KCNH5: variants seen among roughly 807,000 people sequenced by gnomAD.
KCNH5 encodes the protein potassium voltage-gated channel subfamily H member 5, also known as voltage-gated delayed rectifier potassium channel KCNH5.
Under a neutral mutation model 96.1 loss-of-function variants are expected in KCNH5, and 46 were observed. The ratio of observed to expected loss-of-function variants is 0.48; its 90% confidence interval spans 0.38 to 0.61. KCNH5 has a LOEUF of 0.61. Among genes scored for constraint, KCNH5 ranks in the 20% least tolerant of loss-of-function variants. The pLI, the probability that KCNH5 is intolerant of heterozygous loss-of-function variation, is 0.00. For synonymous variants in KCNH5, 439 were observed against 449.8 expected (o/e 0.98, Z 0.30); for missense variants, 907 against 1,225.8 (o/e 0.74, Z 3.88).
intron 7 of KCNH5, among the ~76,000 whole-genome samples, chr14:62,860,701 C>T (rs1888016398): frequency 6.6e-6 from 1 of 152,180 alleles, no homozygotes; most frequent in Non-Finnish European, 1.5e-5. Context: ...ACTCTAAGCC[C>T]CCTTCTCACA....
intron 7 of KCNH5, among the ~76,000 whole-genome samples, chr14:62,853,260 A>C (rs1175644535): frequency 1.3e-5 from 2 of 151,918 alleles, no homozygotes; most frequent in Non-Finnish European, 2.9e-5. Context: ...TCTTTGGACC[A>C]ATTACTAAAC....
At chr14:62,755,367 T>C (rs1004884502) in intron 10 of KCNH5, among the ~76,000 whole-genome samples, 5 of 152,082 alleles carry the variant, frequency 3.3e-5, no homozygotes, top group African/African-American at 1.2e-4. Flanking sequence ...ACATACGACC[T>C]GCAAATACAT....
intron 4 of KCNH5, among the ~76,000 whole-genome samples, chr14:62,991,460 A>G (rs1228868366): frequency 1.3e-5 from 2 of 152,144 alleles, no homozygotes; most frequent in Non-Finnish European, 1.5e-5. Flanking sequence ...GGACCAGAAG[A>G]GAGAAATTTA....
chr14:62,890,866 A>G (rs1566697169), intron 7 of KCNH5, among the ~76,000 whole-genome samples: 2 of 148,854 alleles, frequency 1.3e-5, no homozygotes, highest in Non-Finnish European at 2.9e-5. Flanking sequence ...AGCTATTATT[A>G]AAAAGTCAGA....
At position 62,700,607 on chromosome 14, in the gene KCNH5, T is replaced by A. The variant is rs1566631405; in HGVS notation, c.*6901A>T. ...TAAATGAAAGTGCGTTTGGATTTTG[T>A]GTAAGTTGACAGTTCATGGCTGTGA... On this transcript the variant is annotated 3_prime_UTR_variant, in exon 11 of 11. Coordinates refer to ENST00000322893, the MANE Select transcript of KCNH5 (RefSeq NM_139318.5). 1.3e-5 allele frequency: 2 copies of A among 152,252 alleles called. No individual in the cohort carries two copies. Among genetic ancestry groups the A allele is most frequent in the African/African-American group, 4.8e-5 (2 of 41,474 alleles). The allele number at this position is 152,252 out of a possible 1,614,324, so 9.4% of individuals were successfully genotyped here.
intron 7 of KCNH5, among the ~76,000 whole-genome samples, chr14:62,863,275 T>C (rs1445213235): frequency 6.6e-6 from 1 of 152,170 alleles, no homozygotes; most frequent in Non-Finnish European, 1.5e-5. Context: ...ATATTCTCCT[T>C]GTGTAGCAAA....
intron 7 of KCNH5, among the ~76,000 whole-genome samples, chr14:62,903,591 C>G (rs746713617): frequency 6.6e-6 from 1 of 152,002 alleles, no homozygotes; most frequent in Non-Finnish European, 1.5e-5. Context: ...TCTCTTAGCC[C>G]GTGTAGGATG....
chr14:63,031,108 AGGAAAAGAGTATCTAGTAGGG>A (rs1204070325), intron 1 of KCNH5, among the ~76,000 whole-genome samples: 21 of 152,036 alleles, frequency 1.4e-4, no homozygotes, highest in Admixed American at 6.6e-5. Flanking sequence ...CATCCAATAT[AGGAAAAGAGTATCTAGTAGGG>A]GGAAAAGAGT....
intron 7 of KCNH5, among the ~76,000 whole-genome samples, chr14:62,868,216 C>T (rs1045231035): frequency 2.6e-5 from 4 of 152,210 alleles, no homozygotes; most frequent in Non-Finnish European, 5.9e-5. Flanking sequence ...TTACTCAAGC[C>T]TTCCACATTC....
At chr14:62,870,045 A>G (rs1888221019) in intron 7 of KCNH5, among the ~76,000 whole-genome samples, 1 of 152,214 alleles carries the variant, frequency 6.6e-6, no homozygotes, top group South Asian at 2.1e-4. Context: ...TTCTATGTCC[A>G]TGGCTACTTC....
At chr14:62,889,932 A>C (rs1188896377) in intron 7 of KCNH5, among the ~76,000 whole-genome samples, 1 of 152,176 alleles carries the variant, frequency 6.6e-6, no homozygotes, top group Non-Finnish European at 1.5e-5. Flanking sequence ...CCAGCCATCA[A>C]ATTAATATAA....
intron 10 of KCNH5, among the ~76,000 whole-genome samples, chr14:62,746,898 T>C (rs191297131): frequency 1.9e-4 from 29 of 152,370 alleles, no homozygotes. Context: ...CACAAACAGA[T>C]AAATTGAAGC....
intron 8 of KCNH5, among the ~76,000 whole-genome samples, chr14:62,810,940 A>T (rs930402501): frequency 3.3e-5 from 5 of 151,976 alleles, no homozygotes; most frequent in African/African-American, 1.2e-4. Flanking sequence ...TTCCTGTAAC[A>T]TATTTCTGGT....
chr14:63,044,891 A>C (rs1891893260), intron 1 of KCNH5, among the ~76,000 whole-genome samples: 1 of 152,080 alleles, frequency 6.6e-6, no homozygotes, highest in Non-Finnish European at 1.5e-5. Flanking sequence ...GACAGGTGGG[A>C]GGGGGTGAGT....
At chr14:62,821,153 G>T (rs2140017857) in intron 8 of KCNH5, among the ~76,000 whole-genome samples, 1 of 150,740 alleles carries the variant, frequency 6.6e-6, no homozygotes, top group Non-Finnish European at 1.5e-5. Context: ...CAAAGGACAT[G>T]AAAAGACACT....
chr14:62,762,531 G>T (rs2139957372), intron 10 of KCNH5, among the ~76,000 whole-genome samples: 1 of 152,166 alleles, frequency 6.6e-6, no homozygotes, highest in Admixed American at 6.5e-5. Context: ...CCACCACTTT[G>T]TTGGTGCATG....
At chr14:62,910,396 A>G (rs775394360) in intron 7 of KCNH5, among the ~76,000 whole-genome samples, 2 of 152,220 alleles carry the variant, frequency 1.3e-5, no homozygotes, top group Non-Finnish European at 2.9e-5. Flanking sequence ...AAGGAAAAAA[A>G]TATTAATAAA....
intron 1 of KCNH5, among the ~76,000 whole-genome samples, chr14:63,021,387 T>C (rs979517357): frequency 6.6e-6 from 1 of 152,182 alleles, no homozygotes; most frequent in Non-Finnish European, 1.5e-5. Context: ...TCTATACTAT[T>C]ACAGTTAGGT....
intron 8 of KCNH5, among the ~76,000 whole-genome samples, chr14:62,847,119 T>C (rs1205984311): frequency 2.0e-5 from 3 of 147,764 alleles, no homozygotes; most frequent in African/African-American, 7.3e-5. Flanking sequence ...ATCTTTATTA[T>C]TGTATTTTAA....
Sources: allele counts gnomAD v4.1 joint callset (sites outside exome capture counted in the v4.1 genomes callset), GRCh38; gene constraint gnomAD v4.1.1; transcripts MANE v1.5; gene names NCBI Gene and HGNC (gene_info 2026-07-23, HGNC 2026-07-21).